SMARCAL1: variants seen among roughly 807,000 people sequenced by gnomAD.
SMARCAL1 encodes ATP-driven annealing helicase.
In SMARCAL1, 58 loss-of-function variants were observed where a neutral mutation model predicts 94.5. The observed-to-expected ratio is 0.61, with a 90% CI of 0.50 to 0.76. The LOEUF (loss-of-function observed/expected upper bound fraction) is 0.76. Ranked by LOEUF, SMARCAL1 falls within the 30% of genes least tolerant of loss-of-function variation. SMARCAL1 has a pLI of 0.00. For missense variants in SMARCAL1, 1,051 were observed against 1,177.9 expected, an observed-to-expected ratio of 0.89 and a Z score of 1.58; for synonymous variants, 422 against 455.1, an observed-to-expected ratio of 0.93 and a Z score of 0.93.
chr2:216,444,940 G>A (rs1694274358), intron 10 of SMARCAL1, among the ~76,000 whole-genome samples: 1 of 152,156 alleles, frequency 6.6e-6, no homozygotes, highest in Admixed American at 6.6e-5. Flanking sequence ...CCCAACCCAC[G>A]AAGAAACTAA....
chr2:216,474,128 C>CTTTTGTTTTTTTTTTTTT (rs1695019724), intron 14 of SMARCAL1, among the ~76,000 whole-genome samples: 1 of 64,894 alleles, frequency 1.5e-5, no homozygotes, highest in African/African-American at 5.8e-5. Flanking sequence ...GTATAGCATT[C>CTTTTGTTTTTTTTTTTTT]TTTTTTTTTT....
intron 11 of SMARCAL1, among the ~76,000 whole-genome samples, chr2:216,448,231 C>T (rs1030463139): frequency 1.3e-5 from 2 of 152,118 alleles, no homozygotes; most frequent in Non-Finnish European, 2.9e-5. Flanking sequence ...AGTTCATTTT[C>T]CCTGTAGATC....
chr2:216,465,618 G>T (rs1440074740), intron 13 of SMARCAL1, among the ~76,000 whole-genome samples: 2 of 151,520 alleles, frequency 1.3e-5, no homozygotes, highest in Non-Finnish European at 2.9e-5. Flanking sequence ...CTTTCTTAAA[G>T]AAAAACCCAC....
chr2:216,475,125 T>A lies in SMARCAL1; in HGVS notation c.2245-144T>A. 1.4e-6 allele frequency: 1 copy of A among 711,374 alleles called. No homozygotes were observed. The allele number at this position is 711,374 out of a possible 1,614,324, so 44.1% of individuals were successfully genotyped here. A position where few individuals can be genotyped will look rare whatever the true frequency, so the allele number is the denominator to read the frequency against. On this transcript the variant is annotated intron_variant, in intron 14 of 17. Transcript: ENST00000357276. The surrounding 1 kb of genome is among the most constrained non-coding windows in gnomAD (Gnocchi z 4.4). Reference sequence around the variant, plus strand: ...GTATAAGCAGTCATCTCAATACCAATGTCAATTTGAAAAGAAAAGCTCTGA... The same window carrying A: ...GTATAAGCAGTCATCTCAATACCAAAGTCAATTTGAAAAGAAAAGCTCTGA...
At chr2:216,472,799 C>G (rs1425454447) in intron 14 of SMARCAL1, among the ~76,000 whole-genome samples, 1 of 151,786 alleles carries the variant, frequency 6.6e-6, no homozygotes, top group East Asian at 1.9e-4. Context: ...TTTTTTTACC[C>G]CATCAAGTCA....
chr2:216,481,868 G>A (rs1695209402), intron 17 of SMARCAL1, among the ~76,000 whole-genome samples: 1 of 152,122 alleles, frequency 6.6e-6, no homozygotes, highest in Non-Finnish European at 1.5e-5. Flanking sequence ...GTGGAGATAT[G>A]GAAAATATAC....
At chr2:216,454,436 A>G (rs527794183) in intron 12 of SMARCAL1, among the ~76,000 whole-genome samples, 129 of 152,304 alleles carry the variant, frequency 8.5e-4, no homozygotes, top group African/African-American at 2.8e-3. Context: ...TTAAATTCTC[A>G]CCATCAGCCC....
chr2:216,458,357 C>A (rs964212069), intron 12 of SMARCAL1, among the ~76,000 whole-genome samples: 3 of 152,168 alleles, frequency 2.0e-5, no homozygotes, highest in East Asian at 1.9e-4. Flanking sequence ...ATACTGATAC[C>A]AAAGCCTGGC....
intron 10 of SMARCAL1, among the ~76,000 whole-genome samples, chr2:216,439,825 G>A (rs938468350): frequency 6.6e-6 from 1 of 152,186 alleles, no homozygotes; most frequent in South Asian, 2.1e-4. Context: ...ACTTTGGGAG[G>A]CCGAGGCATG....
At chr2:216,455,741 A>G (rs574698837) in intron 12 of SMARCAL1, among the ~76,000 whole-genome samples, 1 of 152,368 alleles carries the variant, frequency 6.6e-6, no homozygotes, top group South Asian at 2.1e-4. Flanking sequence ...AAAACCACAA[A>G]GATGGGGAAA....
At chr2:216,437,884 A>G (rs1251546251) in intron 9 of SMARCAL1, among the ~76,000 whole-genome samples, 2 of 152,248 alleles carry the variant, frequency 1.3e-5, no homozygotes. Flanking sequence ...AATAGGAATC[A>G]TATCGTCTTC....
chr2:216,427,056 C>T (rs145281154), intron 6 of SMARCAL1: 5 of 152,330 alleles, frequency 3.3e-5, no homozygotes, highest in Non-Finnish European at 4.4e-5. Context: ...TTGTTTTCCC[C>T]TTGCTGTCAG....
chr2:216,415,639 A>T (rs1277560804), intron 3 of SMARCAL1, 124 bp downstream of exon 3: 2 of 945,034 alleles, frequency 2.1e-6, no homozygotes, highest in Non-Finnish European at 3.2e-6. Flanking sequence ...CCAGTTGTTA[A>T]AAATTTTTCA....
At chr2:216,458,964 T>G (rs1694635253) in intron 12 of SMARCAL1, among the ~76,000 whole-genome samples, 1 of 152,208 alleles carries the variant, frequency 6.6e-6, no homozygotes. Context: ...CTCCTTAAGC[T>G]GATAAGCAAC....
chr2:216,480,898 A>G (rs1695179794), intron 17 of SMARCAL1, among the ~76,000 whole-genome samples: 2 of 152,184 alleles, frequency 1.3e-5, no homozygotes, highest in African/African-American at 4.8e-5. Context: ...TCAGCTGGCA[A>G]AGATCTGTAG....
At chr2:216,438,862 T>C (rs575596580) in intron 10 of SMARCAL1, among the ~76,000 whole-genome samples, 84 of 152,332 alleles carry the variant, frequency 5.5e-4, no homozygotes, top group African/African-American at 1.7e-3. Context: ...GCCTGTCTTC[T>C]AAGTCACTTG....
At chr2:216,480,834 G>T (rs1236446572) in intron 17 of SMARCAL1, among the ~76,000 whole-genome samples, 1 of 152,138 alleles carries the variant, frequency 6.6e-6, no homozygotes, top group Non-Finnish European at 1.5e-5. Context: ...TAGGGACAGC[G>T]GAGCCCAAAG....
At chr2:216,422,003 G>A (rs1398978591) in intron 5 of SMARCAL1, among the ~76,000 whole-genome samples, 1 of 152,136 alleles carries the variant, frequency 6.6e-6, no homozygotes, top group Non-Finnish European at 1.5e-5. Flanking sequence ...GCCCAGGCAG[G>A]TCGTGAGATG....
chr2:216,480,478 G>T (rs1462653837), intron 17 of SMARCAL1, among the ~76,000 whole-genome samples: 2 of 152,176 alleles, frequency 1.3e-5, no homozygotes, highest in Admixed American at 1.3e-4. Context: ...AGGCTGCCTT[G>T]CAGGGTGGCG....
Sources: gnomAD v4.1 joint callset for allele counts (sites outside exome capture counted in the v4.1 genomes callset) on GRCh38, gnomAD v4.1.1 for gene constraint, Gnocchi (gnomAD v3.1) non-coding constraint, MANE v1.5 for transcripts, NCBI Gene and HGNC (gene_info 2026-07-23, HGNC 2026-07-21) for gene names.